Variants in KCTD12 observed in about 807,000 individuals in gnomAD.
The protein encoded by KCTD12 is potassium channel tetramerization domain containing 12, also known as BTB/POZ domain-containing protein KCTD12.
In KCTD12, 16 loss-of-function variants were observed where a neutral mutation model predicts 22.6. The observed-to-expected ratio is 0.71, with a 90% CI of 0.48 to 1.07. The LOEUF is 1.07. Among genes scored for constraint, KCTD12 ranks in the 50% least tolerant of loss-of-function variants. The pLI is 0.00. For synonymous variants in KCTD12, 260 were observed against 228.0 expected (o/e 1.14, Z -1.26); for missense variants, 452 against 469.2 (o/e 0.96, Z 0.34).
Position 76,886,336 on chromosome 13 carries a change from A to G in KCTD12, c.-188T>C, listed in dbSNP as rs1401810142. 23 of 550,382 alleles carry G rather than the reference A, an allele frequency of 4.2e-5. No individual in the cohort carries two copies. In the East Asian group the frequency reaches 1.0e-3, roughly 25 times the overall value. The allele number at this position is 550,382 out of a possible 1,614,324, so 34.1% of individuals were successfully genotyped here. A position where few individuals can be genotyped will look rare whatever the true frequency, so the allele number is the denominator to read the frequency against. Reference sequence around the variant, plus strand: ...GAGCCGCGCGGAGCCGAGCGGTGCGAGCGCGCCGCTGTGCGCCCCCTTGAG... The same window carrying G: ...GAGCCGCGCGGAGCCGAGCGGTGCGGGCGCGCCGCTGTGCGCCCCCTTGAG... On this transcript the variant is annotated 5_prime_UTR_variant, in exon 1 of 1. Coordinates refer to ENST00000377474, the MANE Select transcript of KCTD12 (RefSeq NM_138444.4).
At position 76,885,309 on chromosome 13, in the gene KCTD12, G is replaced by A. The variant is rs1385227949; in HGVS notation, c.840C>T (p.Ala280=). The change falls in exon 1 of 1, where the codon GCC becomes GCT. Residue 280 remains alanine, a synonymous_variant. Transcript: ENST00000377474. The surrounding 1 kb of genome is among the most constrained non-coding windows in gnomAD (Gnocchi z 5.1). ...YYLKFNFLEQ[A]FDKLSESGFH... ...AGCCCGACTCGGACAGCTTGTCGAA[G>A]GCCTGCTCCAGGAAGTTGAACTTGA... 1 of 1,614,026 alleles carries A rather than the reference G, an allele frequency of 6.2e-7. No homozygotes were observed. Among genetic ancestry groups the A allele is most frequent in the Non-Finnish European group, 8.5e-7 (1 of 1,179,976 alleles).
In KCTD12 at chr13:76,885,872, G is replaced by C. The variant is rs2033263295; in HGVS notation, c.277C>G (p.Leu93Val). ...DRDGFLFRYI[L>V]DYLRDLQLVL... ...AGCTGCAAGTCCCGCAGGTAATCCA[G>C]GATGTAGCGGAAGAGGAAGCCGTCC... is the stretch of plus-strand genomic sequence containing the variant. The change falls in exon 1 of 1, where the codon CTG (leucine) becomes GTG (valine). Residue 93 changes from leucine (L) to valine (V), a missense_variant. Physicochemically the swap from Leu to Val is conservative, Grantham distance 32. Coordinates refer to ENST00000377474, the MANE Select transcript of KCTD12 (RefSeq NM_138444.4). This position sits in a 1 kb window ranked among gnomAD's most constrained non-coding sequence, Gnocchi z 5.1. 4 of 1,597,352 alleles carry C rather than the reference G, an allele frequency of 2.5e-6. No individual in the cohort carries two copies. The highest frequency in any genetic ancestry group is 3.4e-6 in the Non-Finnish European group (4 of 1,179,480).
chr13:76,886,303 ACCTCCTAGAGCCG>A lies in KCTD12; in HGVS notation c.-168_-156del. 1 of 921,922 alleles carries A rather than the reference ACCTCCTAGAGCCG, an allele frequency of 1.1e-6. No homozygotes were observed. Among genetic ancestry groups the A allele is most frequent in the Non-Finnish European group, 1.4e-6 (1 of 690,984 alleles). The allele number at this position is 921,922 out of a possible 1,614,324, so 57.1% of individuals were successfully genotyped here. ...CACCGCCGCCACCGCCACCGCCGCC[ACCTCCTAGAGCCG>A]CGCGGAGCCGAGCGGTGCGAGCGCG... On this transcript the variant is annotated 5_prime_UTR_variant, in exon 1 of 1. Coordinates refer to ENST00000377474, the MANE Select transcript of KCTD12 (RefSeq NM_138444.4).
chr13:76,882,982 G>C lies in KCTD12; in HGVS notation c.*2189C>G, dbSNP rs114312898. 2.0e-5 allele frequency: 3 copies of C among 151,950 alleles called. No homozygotes were observed. The highest frequency in any genetic ancestry group is 6.5e-5 in the Admixed American group (1 of 15,268). The allele number at this position is 151,950 out of a possible 1,614,324, so 9.4% of individuals were successfully genotyped here. On this transcript the variant is annotated 3_prime_UTR_variant, in exon 1 of 1. Transcript: ENST00000377474. Reference sequence around the variant, plus strand: ...GATTAGTAATACAACTAATACTCAAGAAAAAAAGTATAATACAGCAAACTC... The same window carrying C: ...GATTAGTAATACAACTAATACTCAACAAAAAAAGTATAATACAGCAAACTC...
chr13:76,883,061 A>C lies in KCTD12; in HGVS notation c.*2110T>G, dbSNP rs553968288. The C allele has an allele frequency of 1.1e-4, 16 of 152,232 alleles. No homozygotes were observed. Among genetic ancestry groups the C allele is most frequent in the Non-Finnish European group, 2.2e-4 (15 of 68,034 alleles). 9.4% of individuals were successfully genotyped at this position (152,232 alleles called of 1,614,324 possible). A position where few individuals can be genotyped will look rare whatever the true frequency, so the allele number is the denominator to read the frequency against. On this transcript the variant is annotated 3_prime_UTR_variant, in exon 1 of 1. Transcript: ENST00000377474. Reference sequence around the variant, plus strand: ...CCCAATTCCTCGATAAGGATGTAAGAAACTCATCAAAACATGTTGCTTTAG... The same window carrying C: ...CCCAATTCCTCGATAAGGATGTAAGCAACTCATCAAAACATGTTGCTTTAG...
chr13:76,886,325 C>T lies in KCTD12; in HGVS notation c.-177G>A. 3 of 594,006 alleles carry T rather than the reference C, an allele frequency of 5.1e-6. No individual in the cohort carries two copies. Among genetic ancestry groups the T allele is most frequent in the Non-Finnish European group, 7.1e-6 (3 of 421,790 alleles). 36.8% of individuals were successfully genotyped at this position (594,006 alleles called of 1,614,324 possible). On this transcript the variant is annotated 5_prime_UTR_variant, in exon 1 of 1. Transcript: ENST00000377474. The stretch of plus-strand genomic sequence containing the variant: ...GCCACCTCCTAGAGCCGCGCGGAGC[C>T]GAGCGGTGCGAGCGCGCCGCTGTGC...
chr13:76,883,527 G>A lies in KCTD12; in HGVS notation c.*1644C>T, dbSNP rs933199104. On this transcript the variant is annotated 3_prime_UTR_variant, in exon 1 of 1. Transcript: ENST00000377474. ...TAAGAGTAAAGGCATAAGGCAACCA[G>A]GTCTCCTTCTGTTTCTGTTGCATTT... The A allele has an allele frequency of 1.3e-5, 2 of 152,560 alleles. No homozygotes were observed. The highest frequency in any genetic ancestry group is 4.8e-5 in the African/African-American group (2 of 41,416). The allele number at this position is 152,560 out of a possible 1,614,324, so 9.5% of individuals were successfully genotyped here.
In KCTD12 at chr13:76,886,294, A is replaced by ACCGCCG. The variant is rs993248845; in HGVS notation, c.-152_-147dup. The stretch of plus-strand genomic sequence containing the variant: ...CGCCGCCGCCACCGCCGCCACCGCC[A>ACCGCCG]CCGCCGCCACCTCCTAGAGCCGCGC... On this transcript the variant is annotated 5_prime_UTR_variant, in exon 1 of 1. Transcript: ENST00000377474. The ACCGCCG allele has an allele frequency of 5.0e-5, 46 of 928,538 alleles. No individual in the cohort carries two copies. In the African/African-American group the frequency reaches 7.4e-4, roughly 15 times the overall value. 57.5% of individuals were successfully genotyped at this position (928,538 alleles called of 1,614,324 possible). A position where few individuals can be genotyped will look rare whatever the true frequency, so the allele number is the denominator to read the frequency against.
chr13:76,885,745 G>A lies in KCTD12; in HGVS notation c.404C>T (p.Pro135Leu). The A allele has an allele frequency of 6.9e-7, 1 of 1,457,290 alleles. No homozygotes were observed. Among genetic ancestry groups the A allele is most frequent in the Middle Eastern group, 1.9e-4 (1 of 5,164 alleles). 90.3% of individuals were successfully genotyped at this position (1,457,290 alleles called of 1,614,324 possible). The change falls in exon 1 of 1, where the codon CCC (proline) becomes CTC (leucine). Residue 135 changes from proline to leucine, a missense_variant. Pro to Leu is a moderately conservative substitution (Grantham distance 98). Coordinates refer to ENST00000377474, the MANE Select transcript of KCTD12 (RefSeq NM_138444.4). The surrounding 1 kb of genome is among the most constrained non-coding windows in gnomAD (Gnocchi z 5.1). ...LVRRLGAPQQPGPGPPPSRRG... is the reference protein window; with the variant it reads ...LVRRLGAPQQLGPGPPPSRRG... ...CCGCGAGGGCGGCGGCCCCGGGCCG[G>A]GCTGCTGGGGCGCCCCGAGGCGGCG...
In KCTD12 at chr13:76,880,761, A is replaced by G. The variant is rs1167847633; in HGVS notation, c.*4410T>C. 3.3e-5 allele frequency: 5 copies of G among 152,792 alleles called. 1 individual carries two copies. The highest frequency in any genetic ancestry group is 4.1e-4 in the South Asian group (2 of 4,834). 9.5% of individuals were successfully genotyped at this position (152,792 alleles called of 1,614,324 possible). On this transcript the variant is annotated 3_prime_UTR_variant, in exon 1 of 1. Transcript: ENST00000377474. ...CCTATAAAGTCGCAAAAACAGTTGT[A>G]TAATAGTTTACATTACAATTAATGT...
In KCTD12 at chr13:76,885,570, C is replaced by A; in HGVS notation, c.579G>T (p.Pro193=). 3 of 1,538,898 alleles carry A rather than the reference C, an allele frequency of 1.9e-6. No individual in the cohort carries two copies. Among genetic ancestry groups the A allele is most frequent in the Non-Finnish European group, 8.7e-7 (1 of 1,147,650 alleles). Residue 193 remains proline, a synonymous_variant, in exon 1 of 1, where the codon CCG becomes CCT. Transcript: ENST00000377474. The surrounding 1 kb of genome is among the most constrained non-coding windows in gnomAD (Gnocchi z 5.1). ...CCAGCGACTGGGACGGCGTGAGCAG[C>A]GGGCCCGCCGCGCCCCCGGACGGAC... ...SRSPSGGAAG[P]LLTPSQSLDG...
rs1453289273 is a variant in KCTD12 at position 76,884,686 on chromosome 13, A to G, written c.*485T>C. On this transcript the variant is annotated 3_prime_UTR_variant, in exon 1 of 1. Coordinates refer to ENST00000377474, the MANE Select transcript of KCTD12 (RefSeq NM_138444.4). ...AGACTGTGTAATGACCTTGTAAAAC[A>G]CTAACCCCAGACAGTGGAACCAATC... The G allele has an allele frequency of 6.4e-6, 1 of 155,170 alleles. No homozygotes were observed. The allele number at this position is 155,170 out of a possible 1,614,324, so 9.6% of individuals were successfully genotyped here.
rs778707039 is a variant in KCTD12, at chr13:76,885,516, G to T, written c.633C>A (p.Thr211=). Residue 211 remains threonine, a synonymous_variant, in exon 1 of 1, where the codon ACC becomes ACA. Coordinates refer to ENST00000377474, the MANE Select transcript of KCTD12 (RefSeq NM_138444.4). This position sits in a 1 kb window ranked among gnomAD's most constrained non-coding sequence, Gnocchi z 5.1. ...TGGTGTAGGAGCCGCGGTAGCCGAT[G>T]GTGATGTAGCCCGAGCGCCGGCTGC... ...LDGSRRSGYI[T]IGYRGSYTIG... 3.8e-6 allele frequency: 6 copies of T among 1,597,348 alleles called. No homozygotes were observed. Among genetic ancestry groups the T allele is most frequent in the Non-Finnish European group, 5.1e-6 (6 of 1,174,908 alleles).
At position 76,886,029 on chromosome 13, in the gene KCTD12, C is replaced by G. The variant is rs568420032; in HGVS notation, c.120G>C (p.Val40=). The part of the protein sequence containing the change: ...PLFPDIVELN[V]GGQVYVTRRC... Reference sequence around the variant, plus strand: ...GCCGGGTCACGTACACCTGGCCCCCCACGTTCAGCTCCACGATGTCGGGGA... The same window carrying G: ...GCCGGGTCACGTACACCTGGCCCCCGACGTTCAGCTCCACGATGTCGGGGA... Residue 40 remains valine, a synonymous_variant, in exon 1 of 1, where the codon GTG becomes GTC. Transcript: ENST00000377474. 2 of 1,589,416 alleles carry G rather than the reference C, an allele frequency of 1.3e-6. No individual in the cohort carries two copies. Among genetic ancestry groups the G allele is most frequent in the Admixed American group, 1.7e-5 (1 of 58,044 alleles).
Position 76,885,267 on chromosome 13 carries a change from G to A in KCTD12, c.882C>T (p.Cys294=). 1 of 1,613,986 alleles carries A rather than the reference G, an allele frequency of 6.2e-7. No homozygotes were observed. The highest frequency in any genetic ancestry group is 1.1e-5 in the South Asian group (1 of 91,072). Residue 294 remains cysteine, a synonymous_variant, in exon 1 of 1, where the codon TGC becomes TGT. Transcript: ENST00000377474. This position sits in a 1 kb window ranked among gnomAD's most constrained non-coding sequence, Gnocchi z 5.1. ...CAAAGGCGCAGGTGCCCGTGGAGCT[G>A]CACGCCACCATGTGGAAGCCCGACT... ...LSESGFHMVA[C]SSTGTCAFAS...
chr13:76,884,054 AT>A lies in KCTD12; in HGVS notation c.*1116del, dbSNP rs1221621781. On this transcript the variant is annotated 3_prime_UTR_variant, in exon 1 of 1. Coordinates refer to ENST00000377474, the MANE Select transcript of KCTD12 (RefSeq NM_138444.4). Reference sequence around the variant, plus strand: ...GGCATGTTTGCATTTACTATATGATATTTTTTAAATGTGCATATACTCAAAC... The same window carrying A: ...GGCATGTTTGCATTTACTATATGATATTTTTAAATGTGCATATACTCAAAC... 3 of 152,514 alleles carry A rather than the reference AT, an allele frequency of 2.0e-5. No homozygotes were observed. The highest frequency in any genetic ancestry group is 6.5e-5 in the Admixed American group (1 of 15,276). 9.4% of individuals were successfully genotyped at this position (152,514 alleles called of 1,614,324 possible).
rs2033256655 is a variant in KCTD12, at chr13:76,885,565, A to G, written c.584T>C (p.Leu195Pro). The change falls in exon 1 of 1, where the codon CTC becomes CCC. Residue 195 changes from leucine (L) to proline (P), a missense_variant. Around this residue, in one of 2 missense-constraint regions of KCTD12, gnomAD observed 330 missense variants for 296.5 expected, o/e 1.11. Coordinates refer to ENST00000377474, the MANE Select transcript of KCTD12 (RefSeq NM_138444.4). The surrounding 1 kb of genome is among the most constrained non-coding windows in gnomAD (Gnocchi z 5.1). Reference protein sequence around the residue: ...SPSGGAAGPLLTPSQSLDGSR... With the variant: ...SPSGGAAGPLPTPSQSLDGSR... ...GCCGTCCAGCGACTGGGACGGCGTG[A>G]GCAGCGGGCCCGCCGCGCCCCCGGA... 1 of 1,546,264 alleles carries G rather than the reference A, an allele frequency of 6.5e-7. No homozygotes were observed. The highest frequency in any genetic ancestry group is 8.7e-7 in the Non-Finnish European group (1 of 1,150,942).
chr13:76,885,460 A>G lies in KCTD12; in HGVS notation c.689T>C (p.Phe230Ser). 1 of 1,610,610 alleles carries G rather than the reference A, an allele frequency of 6.2e-7. No homozygotes were observed. Among genetic ancestry groups the G allele is most frequent in the Non-Finnish European group, 8.5e-7 (1 of 1,179,830 alleles). ...IGRDAQADAK[F>S]RRVARITVCG... The stretch of plus-strand genomic sequence containing the variant: ...AACGGTGATGCGCGCCACTCGCCGG[A>G]ACTTGGCGTCCGCCTGCGCGTCCCG... Residue 230 changes from phenylalanine to serine, a missense_variant, in exon 1 of 1, where the codon TTC becomes TCC. Phe to Ser is a radical substitution (Grantham distance 155). Around this residue, in one of 2 missense-constraint regions of KCTD12, gnomAD observed 122 missense variants for 172.8 expected, o/e 0.71. Transcript: ENST00000377474. This position sits in a 1 kb window ranked among gnomAD's most constrained non-coding sequence, Gnocchi z 5.1.
In KCTD12 at chr13:76,880,739, A is replaced by C. The variant is rs2137699193; in HGVS notation, c.*4432T>G. ...TAGTAATAGCAAAATTTACCTGCCT[A>C]TAAAGTCGCAAAAACAGTTGTATAA... On this transcript the variant is annotated 3_prime_UTR_variant, in exon 1 of 1. Coordinates refer to ENST00000377474, the MANE Select transcript of KCTD12 (RefSeq NM_138444.4). 1 of 152,740 alleles carries C rather than the reference A, an allele frequency of 6.5e-6. No individual in the cohort carries two copies. The highest frequency in any genetic ancestry group is 1.9e-4 in the East Asian group (1 of 5,192). The allele number at this position is 152,740 out of a possible 1,614,324, so 9.5% of individuals were successfully genotyped here.
Sources: gnomAD v4.1 joint callset for allele counts on GRCh38, gnomAD v4.1.1 for gene constraint, gnomAD v4.1.1 regional missense constraint, Gnocchi (gnomAD v3.1) non-coding constraint, MANE v1.5 for transcripts, NCBI Gene and HGNC (gene_info 2026-07-23, HGNC 2026-07-21) for gene names.